Variants in TRIM63 observed in about 807,000 individuals in gnomAD.
The protein encoded by TRIM63 is tripartite motif containing 63.
Under a neutral mutation model 46.0 loss-of-function variants are expected in TRIM63, and 48 were observed. The ratio of observed to expected loss-of-function variants is 1.04; its 90% CI spans 0.83 to 1.33. The LOEUF is 1.33. Among genes scored for constraint, TRIM63 ranks in the 40% most tolerant of loss-of-function variants. The pLI is 0.00. For synonymous variants in TRIM63, 175 were observed against 162.8 expected, an observed-to-expected ratio of 1.08 and a Z score of -0.57; for missense variants, 455 against 441.2, an observed-to-expected ratio of 1.03 and a Z score of -0.28.
chr1:26,067,580 A>C lies in TRIM63; in HGVS notation c.-86T>G. The C allele has an allele frequency of 6.8e-7, 1 of 1,480,280 alleles. No homozygotes were observed. The allele number at this position is 1,480,280 out of a possible 1,614,324, so 91.7% of individuals were successfully genotyped here. The stretch of plus-strand genomic sequence containing the variant: ...GACCTGGGGGTCTTGCCTTTGTCAC[A>C]AAACACCGGGTCGGATCCTGTTGGC... On this transcript the variant is annotated 5_prime_UTR_variant, in exon 1 of 9. Transcript: ENST00000374272.
In TRIM63 at chr1:26,067,480, C is replaced by T. The variant is rs754264598; in HGVS notation, c.15G>A (p.Ser5=). 33 of 1,613,920 alleles carry T rather than the reference C, an allele frequency of 2.0e-5. No individual in the cohort carries two copies. In the African/African-American group the frequency reaches 3.3e-4, roughly 16 times the overall value. ...TGGGATTCCCATCCTGGATCAGGCTCGACTTATAATCCATTCTGTGGGAAG... is the reference window on the plus strand; with the variant it reads ...TGGGATTCCCATCCTGGATCAGGCTTGACTTATAATCCATTCTGTGGGAAG... The part of the protein sequence containing the change: MDYK[S]SLIQDGNPME... Residue 5 remains serine, a synonymous_variant, in exon 1 of 9, where the codon TCG becomes TCA. Transcript: ENST00000374272.
chr1:26,058,462 C>T lies in TRIM63; in HGVS notation c.759G>A (p.Leu253=). The change falls in exon 5 of 9, where the codon CTG becomes CTA. Residue 253 remains leucine (L), a synonymous_variant. Transcript: ENST00000374272. ...TTTCCACCAGCTTTGTGGACTTGTC[C>T]AGCTGCTCCTGGTACTGCTGGATGA... The part of the protein sequence containing the change: ...EALIQQYQEQ[L]DKSTKLVETA... 6.2e-7 allele frequency: 1 copy of T among 1,614,168 alleles called. No individual in the cohort carries two copies. Among genetic ancestry groups the T allele is most frequent in the African/African-American group, 1.3e-5 (1 of 75,046 alleles).
At chr1:26,060,066 G>A (rs984569645) in intron 4 of TRIM63, among the ~76,000 whole-genome samples, 200 bp downstream of exon 4, 1 of 152,076 alleles carries the variant, frequency 6.6e-6, no homozygotes. Context: ...TCTTGGGTGG[G>A]GCCGGACACA....
At position 26,061,351 on chromosome 1, in the gene TRIM63, T is replaced by G; in HGVS notation, c.333-17A>C. On this transcript the variant is annotated splice_polypyrimidine_tract_variant and intron_variant, in intron 2 of 8. Coordinates refer to ENST00000374272, the MANE Select transcript of TRIM63 (RefSeq NM_032588.4). Reference sequence around the variant, plus strand: ...AGCGGCCGACTGCAGTGGAGAACAGTCACAAGTCATGGGGGTCCTGTGTCC... The same window carrying G: ...AGCGGCCGACTGCAGTGGAGAACAGGCACAAGTCATGGGGGTCCTGTGTCC... The G allele has an allele frequency of 6.2e-7, 1 of 1,611,978 alleles. No individual in the cohort carries two copies. The highest frequency in any genetic ancestry group is 8.5e-7 in the Non-Finnish European group (1 of 1,178,832).
intron 4 of TRIM63, 24 bp downstream of exon 4, chr1:26,060,242 G>A: frequency 6.2e-7 from 1 of 1,604,908 alleles, no homozygotes; most frequent in Non-Finnish European, 8.5e-7. Flanking sequence ...CAAATCCCCA[G>A]GCAGGACTAT....
chr1:26,067,393 C>T lies in TRIM63; in HGVS notation c.102G>A (p.Val34=). The T allele has an allele frequency of 1.9e-6, 3 of 1,614,178 alleles. No individual in the cohort carries two copies. Among genetic ancestry groups the T allele is most frequent in the Non-Finnish European group, 2.5e-6 (3 of 1,180,046 alleles). ...GGTTGTGCTGGCACGGCAAGATGAC[C>T]ACTGGCTTGGTAAACATCTCCAGGC... The part of the protein sequence containing the change: ...PICLEMFTKP[V]VILPCQHNLC... The change falls in exon 1 of 9, where the codon GTG becomes GTA. Residue 34 remains valine (V), a synonymous_variant. Transcript: ENST00000374272.
Position 26,066,278 on chromosome 1 carries a change from C to T in TRIM63, c.322G>A (p.Glu108Lys). 1.2e-6 allele frequency: 2 copies of T among 1,614,098 alleles called. No homozygotes were observed. Among genetic ancestry groups the T allele is most frequent in the Non-Finnish European group, 1.7e-6 (2 of 1,180,030 alleles). ...VENIIDIYKQ[E>K]CSSRPLQKGS... ...GGCACGAGAACCGACCTGGAGCACT[C>T]CTGTTTGTAGATGTCGATGATGTTC... Residue 108 changes from glutamate (E) to lysine (K), a missense_variant, in exon 2 of 9, where the codon GAG (glutamate) becomes AAG (lysine). Glu to Lys is a moderately conservative substitution (Grantham distance 56). Transcript: ENST00000374272.
intron 8 of TRIM63, among the ~76,000 whole-genome samples, chr1:26,052,414 G>A (rs116750326): frequency 0.012 from 1,800 of 152,292 alleles, 41 homozygotes; most frequent in African/African-American, 0.041. Context: ...AGCGGGACTG[G>A]TGGTGGTGGG....
At chr1:26,061,116 G>A (rs1317332146) in intron 3 of TRIM63, 50 bp downstream of exon 3, 2 of 1,586,874 alleles carry the variant, frequency 1.3e-6, no homozygotes, top group African/African-American at 1.3e-5. Flanking sequence ...GAATCATCAG[G>A]CCGTGCCCAG....
chr1:26,061,770 A>G (rs1055875184), intron 2 of TRIM63, among the ~76,000 whole-genome samples: 6 of 152,234 alleles, frequency 3.9e-5, no homozygotes, highest in Admixed American at 2.0e-4. Flanking sequence ...AGTTGCTCTA[A>G]TTATAGTCAC....
chr1:26,067,229 A>G (rs2050686541), intron 1 of TRIM63, 107 bp downstream of exon 1: 3 of 1,410,390 alleles, frequency 2.1e-6, no homozygotes, highest in Non-Finnish European at 9.5e-7. Flanking sequence ...TTCACTTCCA[A>G]GGGGAAAGAG....
chr1:26,057,157 G>A, intron 7 of TRIM63, 46 bp downstream of exon 7: 1 of 981,424 alleles, frequency 1.0e-6, no homozygotes. Flanking sequence ...CTGGTTTCCA[G>A]GGGTCAGGCA....
chr1:26,056,918 A>G (rs981835307), intron 7 of TRIM63, among the ~76,000 whole-genome samples: 1 of 152,112 alleles, frequency 6.6e-6, no homozygotes, highest in Non-Finnish European at 1.5e-5. Flanking sequence ...ACATGCCATC[A>G]CGCCTGGCTA....
intron 2 of TRIM63, among the ~76,000 whole-genome samples, chr1:26,065,418 G>A (rs188421867): frequency 1.1e-4 from 16 of 151,748 alleles, no homozygotes; most frequent in Admixed American, 5.2e-4. Flanking sequence ...GACCTCCCTG[G>A]CTCAACAATT....
At chr1:26,053,511 C>T (rs1373434138) in intron 8 of TRIM63, among the ~76,000 whole-genome samples, 5 of 152,214 alleles carry the variant, frequency 3.3e-5, no homozygotes, top group African/African-American at 1.2e-4. Context: ...CTCGAGCCAC[C>T]GTGCCTGTCC....
In TRIM63 at chr1:26,060,262, T is replaced by A; in HGVS notation, c.597+4A>T. 6.2e-7 allele frequency: 1 copy of A among 1,613,224 alleles called. No individual in the cohort carries two copies. Among genetic ancestry groups the A allele is most frequent in the Non-Finnish European group, 8.5e-7 (1 of 1,179,468 alleles). ...CCCCAGGCAGGACTATTCTGTCCGCTCACCTTGGTCACTCGACGGGAATCC... is the reference window on the plus strand; with the variant it reads ...CCCCAGGCAGGACTATTCTGTCCGCACACCTTGGTCACTCGACGGGAATCC... On this transcript the variant is annotated splice_donor_region_variant and intron_variant, in intron 4 of 8. Transcript: ENST00000374272.
chr1:26,064,493 T>G (rs1484674126), intron 2 of TRIM63, among the ~76,000 whole-genome samples: 1 of 152,072 alleles, frequency 6.6e-6, no homozygotes, highest in African/African-American at 2.4e-5. Flanking sequence ...CTCTACCACT[T>G]GCTAGCTGTG....
chr1:26,067,314 T>C (rs768537255), intron 1 of TRIM63, 22 bp downstream of exon 1: 6 of 1,612,124 alleles, frequency 3.7e-6, no homozygotes, highest in Non-Finnish European at 5.1e-6. Context: ...GGACCCCAAA[T>C]GAAGCTGCAC....
rs2050621652 is a variant in TRIM63, at chr1:26,061,134, AGGCTGGGGGTAAAAGT to A, written c.501+16_501+31del. 1.2e-6 allele frequency: 2 copies of A among 1,604,686 alleles called. No individual in the cohort carries two copies. Among genetic ancestry groups the A allele is most frequent in the African/African-American group, 2.7e-5 (2 of 74,734 alleles). Reference sequence around the variant, plus strand: ...TCATCAGGCCGTGCCCAGCAGGCCCAGGCTGGGGGTAAAAGTGGCTGGAGACAGTACCTTTTGTCCC... The same window carrying A: ...TCATCAGGCCGTGCCCAGCAGGCCCAGGCTGGAGACAGTACCTTTTGTCCC... On this transcript the variant is annotated intron_variant, in intron 3 of 8. Transcript: ENST00000374272.
Sources: allele counts gnomAD v4.1 joint callset (sites outside exome capture counted in the v4.1 genomes callset), GRCh38; gene constraint gnomAD v4.1.1; transcripts MANE v1.5; gene names NCBI Gene and HGNC (gene_info 2026-07-23, HGNC 2026-07-21).